RGS7: variants seen among roughly 807,000 people sequenced by gnomAD.
RGS7 encodes regulator of G protein signaling 7.
In RGS7, 27 loss-of-function variants were observed where a neutral mutation model predicts 81.1. The ratio of observed to expected loss-of-function variants is 0.33; its 90% CI spans 0.25 to 0.46. RGS7 has a LOEUF of 0.46. RGS7 is among the 20% of genes least tolerant of loss of function. The pLI, the probability that RGS7 is intolerant of heterozygous loss-of-function variation, is 1.00. For missense variants in RGS7, 396 were observed against 607.4 expected, an observed-to-expected ratio of 0.65 and a Z score of 3.66; for synonymous variants, 208 against 207.7, an observed-to-expected ratio of 1.00 and a Z score of -0.01.
At chr1:241,343,210 T>C (rs543464396) in intron 2 of RGS7, among the ~76,000 whole-genome samples, 1 of 148,380 alleles carries the variant, frequency 6.7e-6, no homozygotes, top group South Asian at 2.1e-4. Context: ...TGCAGTGAGC[T>C]GAGATTGCAC....
chr1:240,809,341 A>T (rs1395685140), intron 14 of RGS7, among the ~76,000 whole-genome samples: 1 of 152,178 alleles, frequency 6.6e-6, no homozygotes, highest in Non-Finnish European at 1.5e-5. Context: ...CAGACGAGTG[A>T]CACACTCACT....
intron 4 of RGS7, among the ~76,000 whole-genome samples, chr1:240,954,305 C>T (rs1388975212): frequency 6.6e-6 from 1 of 151,926 alleles, no homozygotes; most frequent in Non-Finnish European, 1.5e-5. Flanking sequence ...GAAAGAAAAA[C>T]GACAGACCAT....
At chr1:241,196,258 T>G (rs927552187) in intron 2 of RGS7, among the ~76,000 whole-genome samples, 6 of 152,008 alleles carry the variant, frequency 3.9e-5, no homozygotes, top group Non-Finnish European at 8.8e-5. Context: ...CAGTATTAAG[T>G]GCAATACAAA....
At chr1:241,168,486 T>C (rs2070450735) in intron 2 of RGS7, among the ~76,000 whole-genome samples, 1 of 152,132 alleles carries the variant, frequency 6.6e-6, no homozygotes, top group African/African-American at 2.4e-5. Context: ...ATCAGTATCT[T>C]TGTGCAATCT....
rs79375499 is a variant in RGS7, at chr1:241,023,305, T to G, written c.176-40176A>C. On this transcript the variant is annotated intron_variant, in intron 3 of 18. Coordinates refer to ENST00000440928, the MANE Select transcript of RGS7 (RefSeq NM_001364886.1). The stretch of plus-strand genomic sequence containing the variant: ...TAGAGCGCTTACTTTAGAAAACTCG[T>G]AGATGTACATTTTCTCTCTGCTCCT... Among the ~76,000 whole-genome samples, 16 of 152,326 alleles carry G rather than the reference T, an allele frequency of 1.1e-4. No homozygotes were observed. The East Asian group carries it at 3.1e-3, about 29-fold the overall frequency.
At chr1:241,065,415 G>A (rs891296941) in intron 3 of RGS7, among the ~76,000 whole-genome samples, 1 of 151,690 alleles carries the variant, frequency 6.6e-6, no homozygotes, top group African/African-American at 2.4e-5. Flanking sequence ...AAATTTTATA[G>A]AGTAGCTATA....
intron 4 of RGS7, among the ~76,000 whole-genome samples, chr1:240,978,584 C>A (rs922608501): frequency 2.6e-5 from 4 of 151,880 alleles, no homozygotes. Flanking sequence ...AAAACTTAAT[C>A]TGGAAGAGAG....
At chr1:240,825,847 C>G (rs993044146) in intron 10 of RGS7, among the ~76,000 whole-genome samples, 1 of 152,116 alleles carries the variant, frequency 6.6e-6, no homozygotes. Flanking sequence ...TTTATTGTGT[C>G]TAGGTGCTAT....
chr1:241,337,929 T>G lies in RGS7; in HGVS notation c.78+17770A>C, dbSNP rs182521601. On this transcript the variant is annotated intron_variant, in intron 2 of 18. Coordinates refer to ENST00000440928, the MANE Select transcript of RGS7 (RefSeq NM_001364886.1). Reference sequence around the variant, plus strand: ...TATTTTCCATAAGCTCACTATTGTTTTGGTTAGTGTTTAATTATAACATTA... The same window carrying G: ...TATTTTCCATAAGCTCACTATTGTTGTGGTTAGTGTTTAATTATAACATTA... Among the ~76,000 whole-genome samples the G allele has an allele frequency of 4.6e-5, 7 of 152,362 alleles. No individual in the cohort carries two copies. In the East Asian group the frequency reaches 1.3e-3, roughly 29 times the overall value.
At chr1:240,955,922 A>G (rs182795837) in intron 4 of RGS7, among the ~76,000 whole-genome samples, 31 of 79,996 alleles carry the variant, frequency 3.9e-4, no homozygotes, top group African/African-American at 1.2e-3. Context: ...TCAGAAACCT[A>G]CTAGAAGAAA....
At chr1:241,039,565 CTTT>C (rs10534818) in intron 3 of RGS7, among the ~76,000 whole-genome samples, 3 of 147,346 alleles carry the variant, frequency 2.0e-5, no homozygotes, top group Non-Finnish European at 4.5e-5. Context: ...GAACTCATTT[CTTT>C]TTTTTTTTTC....
intron 2 of RGS7, among the ~76,000 whole-genome samples, chr1:241,228,352 C>T (rs2075446262): frequency 6.6e-6 from 1 of 152,106 alleles, no homozygotes; most frequent in African/African-American, 2.4e-5. Context: ...ATTGCTAACA[C>T]ACAGAAACGG....
chr1:240,775,817 T>C lies in RGS7; in HGVS notation c.*403A>G, dbSNP rs1682850846. On this transcript the variant is annotated 3_prime_UTR_variant, in exon 19 of 19. Transcript: ENST00000440928. ...TTTTCTTTTACAGTTCTTCCAGTTT[T>C]TGACTGACTGAATTTTCAGTGAACT... 1 of 267,644 alleles carries C rather than the reference T, an allele frequency of 3.7e-6. No individual in the cohort carries two copies. The highest frequency in any genetic ancestry group is 7.7e-5 in the East Asian group (1 of 12,944). The allele number at this position is 267,644 out of a possible 1,614,324, so 16.6% of individuals were successfully genotyped here. A position where few individuals can be genotyped will look rare whatever the true frequency, so the allele number is the denominator to read the frequency against.
chr1:241,146,105 A>T (rs888658530), intron 2 of RGS7, among the ~76,000 whole-genome samples: 3 of 152,170 alleles, frequency 2.0e-5, no homozygotes, highest in Non-Finnish European at 4.4e-5. Flanking sequence ...AGGTGAAGGA[A>T]GGAAAAGCAA....
intron 3 of RGS7, among the ~76,000 whole-genome samples, chr1:241,071,112 G>GT (rs1430288736): frequency 6.6e-6 from 1 of 152,072 alleles, no homozygotes; most frequent in African/African-American, 2.4e-5. Context: ...TTTCACCTTA[G>GT]TTTATAGCTG....
intron 3 of RGS7, among the ~76,000 whole-genome samples, chr1:241,097,542 A>G (rs1356929828): frequency 6.6e-6 from 1 of 152,050 alleles, no homozygotes; most frequent in Non-Finnish European, 1.5e-5. Context: ...GATCCTGGTC[A>G]TGAGGAAGCA....
chr1:241,046,562 G>T (rs189993490), intron 3 of RGS7, among the ~76,000 whole-genome samples: 2 of 152,290 alleles, frequency 1.3e-5, no homozygotes, highest in East Asian at 1.9e-4. Flanking sequence ...CTGCAAGTGG[G>T]TTATTCTACA....
intron 3 of RGS7, among the ~76,000 whole-genome samples, chr1:241,015,146 T>A (rs1167557127): frequency 1.3e-5 from 2 of 152,202 alleles, no homozygotes; most frequent in Admixed American, 1.3e-4. Context: ...AAGCTTTAGT[T>A]TTCATCTCCA....
intron 9 of RGS7, among the ~76,000 whole-genome samples, chr1:240,855,647 C>T (rs893175358): frequency 5.3e-5 from 8 of 151,822 alleles, no homozygotes; most frequent in South Asian, 4.2e-4. Context: ...TTAACCACCC[C>T]GGTAAGTTGA....
Sources: allele counts gnomAD v4.1 joint callset (sites outside exome capture counted in the v4.1 genomes callset), GRCh38; gene constraint gnomAD v4.1.1; transcripts MANE v1.5; gene names NCBI Gene and HGNC (gene_info 2026-07-23, HGNC 2026-07-21).